Variants in MAGI2 observed in about 807,000 individuals in gnomAD.
MAGI2 encodes the protein membrane-associated guanylate kinase, WW and PDZ domain-containing protein 2.
MAGI2 carries 35 observed loss-of-function variants against 133.3 expected under a neutral mutation model. The ratio of observed to expected loss-of-function variants is 0.26; its 90% confidence interval spans 0.20 to 0.35. The LOEUF is 0.35. MAGI2 is among the 10% of genes least tolerant of loss of function. The probability of loss-of-function intolerance (pLI) is 1.00; values close to 1 mark genes in which losing one functional copy is unlikely to be tolerated. For missense variants in MAGI2, 1,636 were observed against 1,863.4 expected (o/e 0.88, Z 2.25); for synonymous variants, 729 against 710.6 (o/e 1.03, Z -0.41).
At chr7:79,069,149 A>T (rs897865014) in intron 1 of MAGI2, among the ~76,000 whole-genome samples, 2 of 152,118 alleles carry the variant, frequency 1.3e-5, no homozygotes, top group African/African-American at 4.8e-5. Flanking sequence ...AGTCCTGCAT[A>T]TCTTTGTTAA....
intron 2 of MAGI2, among the ~76,000 whole-genome samples, chr7:78,851,076 G>A (rs923161607): frequency 4.6e-5 from 7 of 151,886 alleles, no homozygotes; most frequent in African/African-American, 7.3e-5. Context: ...TTATAGTTAT[G>A]GCTAGGTATT....
chr7:78,402,320 C>T (rs1796955584), intron 6 of MAGI2, among the ~76,000 whole-genome samples: 1 of 143,292 alleles, frequency 7.0e-6, no homozygotes, highest in Non-Finnish European at 1.5e-5. Context: ...TGTGTGTATC[C>T]ACCTAGGGTG....
intron 9 of MAGI2, among the ~76,000 whole-genome samples, chr7:78,276,179 G>A (rs1474273778): frequency 1.3e-5 from 2 of 152,138 alleles, no homozygotes; most frequent in Admixed American, 6.5e-5. Flanking sequence ...TCTGCTAGTC[G>A]ATCTTTCAAT....
intron 2 of MAGI2, among the ~76,000 whole-genome samples, chr7:78,702,783 A>T (rs1222573192): frequency 6.6e-6 from 1 of 152,042 alleles, no homozygotes; most frequent in African/African-American, 2.4e-5. Context: ...AAACTGGTCA[A>T]CAAAGAGCTG....
intron 1 of MAGI2, among the ~76,000 whole-genome samples, chr7:79,045,987 T>G (rs888899351): frequency 1.3e-5 from 2 of 152,160 alleles, no homozygotes; most frequent in Admixed American, 1.3e-4. Flanking sequence ...TGTACTATAA[T>G]AGCGTAAGTT....
chr7:78,868,940 A>C (rs1388551997), intron 2 of MAGI2, among the ~76,000 whole-genome samples: 7 of 152,124 alleles, frequency 4.6e-5, no homozygotes, highest in Non-Finnish European at 1.0e-4. Context: ...TTTTTAGTAG[A>C]GACGGGGTTT....
At chr7:78,099,579 ATG>A (rs996010635) in intron 20 of MAGI2, among the ~76,000 whole-genome samples, 6 of 152,274 alleles carry the variant, frequency 3.9e-5, no homozygotes, top group African/African-American at 1.4e-4. Flanking sequence ...GTATAATGCC[ATG>A]TGTTATTATC....
chr7:78,071,074 G>A (rs1166151795), intron 21 of MAGI2, among the ~76,000 whole-genome samples: 1 of 152,126 alleles, frequency 6.6e-6, no homozygotes, highest in African/African-American at 2.4e-5. Context: ...AATGCTTGTT[G>A]CAAATCATGT....
At position 79,450,636 on chromosome 7, in the gene MAGI2, A is replaced by G. The variant is rs1849175120; in HGVS notation, c.301+2384T>C. On this transcript the variant is annotated intron_variant, in intron 1 of 21. Transcript: ENST00000354212. Reference sequence around the variant, plus strand: ...GACTTTCCCCTCAATATATCACTTTAGAAGCATATATTCTGAGTTCTAAAA... The same window carrying G: ...GACTTTCCCCTCAATATATCACTTTGGAAGCATATATTCTGAGTTCTAAAA... Among the ~76,000 whole-genome samples, 3 of 152,178 alleles carry G rather than the reference A, an allele frequency of 2.0e-5. No individual in the cohort carries two copies. In the South Asian group the frequency reaches 6.2e-4, roughly 31 times the overall value.
At chr7:79,171,756 A>ATATATATATATATATATATATATG (rs1825588088) in intron 1 of MAGI2, among the ~76,000 whole-genome samples, 1 of 30,894 alleles carries the variant, frequency 3.2e-5, no homozygotes, top group Non-Finnish European at 1.0e-4. Context: ...ATATATATAT[A>ATATATATATATATATATATATATG]TATATATATA....
At chr7:79,034,584 T>TACACTAGTGAATTCTG (rs1429457118) in intron 1 of MAGI2, among the ~76,000 whole-genome samples, 1 of 152,260 alleles carries the variant, frequency 6.6e-6, no homozygotes, top group South Asian at 2.1e-4. Context: ...GAATACACAA[T>TACACTAGTGAATTCTG]CTTTGTGAAG....
At chr7:78,111,522 T>C (rs773718138) in intron 20 of MAGI2, among the ~76,000 whole-genome samples, 1 of 152,196 alleles carries the variant, frequency 6.6e-6, no homozygotes, top group Non-Finnish European at 1.5e-5. Flanking sequence ...GTCCTCCTCA[T>C]GTGAGGTAAT....
intron 1 of MAGI2, among the ~76,000 whole-genome samples, chr7:79,165,133 C>A (rs1824786342): frequency 6.6e-6 from 1 of 151,258 alleles, no homozygotes; most frequent in Non-Finnish European, 1.5e-5. Flanking sequence ...TTTTACAAAG[C>A]ATTAGGATAA....
intron 2 of MAGI2, among the ~76,000 whole-genome samples, chr7:78,961,269 T>A (rs1319413375): frequency 6.6e-6 from 1 of 152,098 alleles, no homozygotes; most frequent in Non-Finnish European, 1.5e-5. Context: ...AATCTTCAGA[T>A]GCCAAATTGG....
chr7:79,108,808 A>T lies in MAGI2; in HGVS notation c.302-101602T>A, dbSNP rs140866479. Among the ~76,000 whole-genome samples, 214 of 152,228 alleles carry T rather than the reference A, an allele frequency of 1.4e-3. 5 individuals carry two copies. The East Asian group carries it at 0.032, about 23-fold the overall frequency. Reference sequence around the variant, plus strand: ...GGAGGTGTTTAGATCATAGGGGTGGATCCCTTGTGGCTTCTTGCTGTCCTT... The same window carrying T: ...GGAGGTGTTTAGATCATAGGGGTGGTTCCCTTGTGGCTTCTTGCTGTCCTT... On this transcript the variant is annotated intron_variant, in intron 1 of 21. Transcript: ENST00000354212.
chr7:79,094,308 C>A (rs1446611656), intron 1 of MAGI2, among the ~76,000 whole-genome samples: 2 of 152,194 alleles, frequency 1.3e-5, no homozygotes, highest in Admixed American at 1.3e-4. Context: ...GAAGTTTTAT[C>A]ATGAGATTGC....
intron 6 of MAGI2, among the ~76,000 whole-genome samples, chr7:78,471,476 A>G (rs1791197085): frequency 6.6e-6 from 1 of 152,204 alleles, no homozygotes; most frequent in Non-Finnish European, 1.5e-5. Flanking sequence ...ACAGTAACAT[A>G]AAACTAGTGA....
chr7:78,655,841 C>T (rs142817602), intron 2 of MAGI2, among the ~76,000 whole-genome samples: 1,867 of 151,796 alleles, frequency 0.012, 40 homozygotes, highest in African/African-American at 0.043. Flanking sequence ...ATTAGCCAGG[C>T]GCGGTGGCGG....
chr7:79,251,974 T>A (rs1293486209), intron 1 of MAGI2, among the ~76,000 whole-genome samples: 2 of 151,892 alleles, frequency 1.3e-5, no homozygotes, highest in Admixed American at 6.6e-5. Context: ...CTGGGCAACT[T>A]GGCAAAACCT....
Sources: gnomAD v4.1 joint callset for allele counts (sites outside exome capture counted in the v4.1 genomes callset) on GRCh38, gnomAD v4.1.1 for gene constraint, MANE v1.5 for transcripts, NCBI Gene and HGNC (gene_info 2026-07-23, HGNC 2026-07-21) for gene names.